Variants in SLC38A4 observed in about 807,000 individuals in gnomAD.
SLC38A4 encodes sodium-coupled neutral amino acid transporter 4.
A neutral mutation model predicts 63.1 loss-of-function variants in SLC38A4; 20 were observed. The observed-to-expected ratio is 0.32, with a 90% CI of 0.22 to 0.46. SLC38A4 has a LOEUF of 0.46. SLC38A4 is among the 20% of genes least tolerant of loss of function. The probability of loss-of-function intolerance (pLI) is 1.00; values close to 1 mark genes in which losing one functional copy is unlikely to be tolerated. For missense variants in SLC38A4, 526 were observed against 663.6 expected, an observed-to-expected ratio of 0.79 and a Z score of 2.28; for synonymous variants, 230 against 225.5, an observed-to-expected ratio of 1.02 and a Z score of -0.18.
At chr12:46,799,458 T>C (rs932647528) in intron 2 of SLC38A4, among the ~76,000 whole-genome samples, 8 of 152,022 alleles carry the variant, frequency 5.3e-5, no homozygotes. Context: ...AAAAATTAGC[T>C]GGGCATGGTG....
upstream of SLC38A4, among the ~76,000 whole-genome samples, chr12:46,830,285 C>CTT (rs1939710957): frequency 2.5e-5 from 3 of 117,942 alleles, no homozygotes; most frequent in South Asian, 9.6e-4. Flanking sequence ...TTAAGAAATT[C>CTT]TCTCTCTCTC....
intron 7 of SLC38A4, among the ~76,000 whole-genome samples, chr12:46,783,215 T>C (rs1404277476): frequency 6.8e-6 from 1 of 148,046 alleles, no homozygotes; most frequent in Non-Finnish European, 1.5e-5. Flanking sequence ...AGATGATGGA[T>C]AAATTGATAG....
At chr12:46,774,255 T>G (rs1222668477) in intron 14 of SLC38A4, among the ~76,000 whole-genome samples, 19 of 152,104 alleles carry the variant, frequency 1.2e-4, no homozygotes, top group Non-Finnish European at 1.5e-5. Context: ...GTATGGAACA[T>G]TATGTCCAGG....
intron 14 of SLC38A4, among the ~76,000 whole-genome samples, chr12:46,771,585 CT>C (rs1192060290): frequency 1.3e-5 from 2 of 152,090 alleles, no homozygotes; most frequent in Non-Finnish European, 2.9e-5. Context: ...GCTTCTTCCT[CT>C]TTCTGAATAA....
intron 1 of SLC38A4, among the ~76,000 whole-genome samples, chr12:46,813,000 T>G (rs768188904): frequency 7.2e-5 from 11 of 152,018 alleles, no homozygotes; most frequent in Non-Finnish European, 1.3e-4. Flanking sequence ...AATCAATTAG[T>G]CAATTAACCA....
intron 1 of SLC38A4, among the ~76,000 whole-genome samples, chr12:46,812,632 A>G (rs962838089): frequency 1.3e-5 from 2 of 152,062 alleles, no homozygotes; most frequent in South Asian, 4.1e-4. Context: ...GAAAAAATGT[A>G]CACATTCTTT....
At chr12:46,793,227 T>C in intron 2 of SLC38A4, 44 bp from the exon 3 acceptor site, 1 of 475,788 alleles carries the variant, frequency 2.1e-6, no homozygotes, top group East Asian at 3.5e-5. Context: ...TTTATTTAAA[T>C]GAAATAAGTG....
intron 2 of SLC38A4, among the ~76,000 whole-genome samples, chr12:46,796,470 G>A (rs1348121516): frequency 6.6e-6 from 1 of 152,048 alleles, no homozygotes; most frequent in Non-Finnish European, 1.5e-5. Context: ...GTGAATGACA[G>A]AGCGCATCGA....
chr12:46,769,690 C>A (rs1938374314), intron 14 of SLC38A4, among the ~76,000 whole-genome samples: 1 of 151,988 alleles, frequency 6.6e-6, no homozygotes, highest in African/African-American at 2.4e-5. Flanking sequence ...GACAGTGATA[C>A]CCTAAGGTTG....
rs969073019 is a variant in SLC38A4, at chr12:46,831,609, G to T, written c.-108+718C>A. 2.0e-5 allele frequency among the ~76,000 whole-genome samples: 3 copies of T among 152,222 alleles called. No individual in the cohort carries two copies. The South Asian group carries it at 6.2e-4, about 32-fold the overall frequency. The stretch of plus-strand genomic sequence containing the variant: ...AGACCAGGGGCCCACATCCAGCTCT[G>T]CTCTCGCCTTCTCCCTTGAAAGAGA... On this transcript the variant is annotated intron_variant, in intron 1 of 6. Transcript: ENST00000546940.
intron 16 of SLC38A4, 25 bp downstream of exon 16, chr12:46,768,284 TG>T (rs1441380010): frequency 2.3e-5 from 34 of 1,489,936 alleles, no homozygotes; most frequent in Non-Finnish European, 2.6e-5. Context: ...CAACTAATAA[TG>T]GGGGAAATTG....
intron 1 of SLC38A4, among the ~76,000 whole-genome samples, chr12:46,811,116 A>G (rs1400941428): frequency 1.3e-5 from 2 of 152,048 alleles, no homozygotes; most frequent in African/African-American, 4.8e-5. Flanking sequence ...CATCTCATTC[A>G]TTCAACAAAC....
intron 4 of SLC38A4, 138 bp downstream of exon 4, chr12:46,788,390 T>C (rs1938807630): frequency 1.5e-6 from 1 of 673,762 alleles, no homozygotes; most frequent in Non-Finnish European, 2.6e-6. Flanking sequence ...AAGCCCTTAT[T>C]CCAGTAAGAG....
intron 1 of SLC38A4, among the ~76,000 whole-genome samples, chr12:46,812,870 C>T (rs896450659): frequency 2.0e-5 from 3 of 152,052 alleles, no homozygotes; most frequent in Admixed American, 6.6e-5. Flanking sequence ...TCTGACATGT[C>T]GATATGAAAT....
intron 5 of SLC38A4, 76 bp downstream of exon 5, chr12:46,787,840 T>A: frequency 9.5e-7 from 1 of 1,049,000 alleles, no homozygotes; most frequent in Non-Finnish European, 1.4e-6. Context: ...AAGATCAAAC[T>A]TGAGATTGTT....
intron 1 of SLC38A4, among the ~76,000 whole-genome samples, chr12:46,820,206 C>A (rs891421566): frequency 8.6e-5 from 13 of 151,924 alleles, no homozygotes; most frequent in African/African-American, 2.7e-4. Flanking sequence ...GAACACTTAA[C>A]ATGAAATCTA....
intron 1 of SLC38A4, among the ~76,000 whole-genome samples, chr12:46,810,229 T>A (rs1208251621): frequency 1.3e-5 from 2 of 151,990 alleles, no homozygotes; most frequent in Non-Finnish European, 2.9e-5. Flanking sequence ...CATAGGGCAA[T>A]TATAATTAAA....
intron 1 of SLC38A4, among the ~76,000 whole-genome samples, chr12:46,806,185 T>A (rs569110710): frequency 6.6e-6 from 1 of 151,872 alleles, no homozygotes; most frequent in South Asian, 2.1e-4. Context: ...TAAATTAGCA[T>A]GTTGGATTAA....
intron 7 of SLC38A4, among the ~76,000 whole-genome samples, chr12:46,784,166 G>C (rs1209876106): frequency 6.6e-6 from 1 of 151,994 alleles, no homozygotes; most frequent in African/African-American, 2.4e-5. Context: ...CCACTTTTCA[G>C]TTTAGTAAAT....
Sources: gnomAD v4.1 joint callset for allele counts (sites outside exome capture counted in the v4.1 genomes callset) on GRCh38, gnomAD v4.1.1 for gene constraint, MANE v1.5 for transcripts, NCBI Gene and HGNC (gene_info 2026-07-23, HGNC 2026-07-21) for gene names.